Variants in SLC24A2 observed in about 807,000 individuals in gnomAD.
SLC24A2 encodes the protein sodium/potassium/calcium exchanger 2.
SLC24A2 carries 36 observed loss-of-function variants against 62.0 expected under a neutral mutation model. That is an observed-to-expected ratio of 0.58 (90% CI 0.44 to 0.77). The LOEUF (loss-of-function observed/expected upper bound fraction) is 0.77. Among genes scored for constraint, SLC24A2 ranks in the 30% least tolerant of loss-of-function variants. The pLI, the probability that SLC24A2 is intolerant of heterozygous loss-of-function variation, is 0.00. For missense variants in SLC24A2, 846 were observed against 817.9 expected, an observed-to-expected ratio of 1.03 and a Z score of -0.42; for synonymous variants, 358 against 294.0, an observed-to-expected ratio of 1.22 and a Z score of -2.23.
chr9:19,563,827 TCCCTCCCTCCCTCCCTCCC>T (rs1563968833), intron 7 of SLC24A2, among the ~76,000 whole-genome samples: 8 of 75,084 alleles, frequency 1.1e-4, no homozygotes, highest in African/African-American at 1.6e-4. Context: ...CCTTCCTTCC[TCCCTCCCTCCCTCCCTCCC>T]TCCCTCCCTC....
the SLC24A2 span, among the ~76,000 whole-genome samples, chr9:20,287,719 C>T: frequency 4.7e-4 from 72 of 152,316 alleles, no homozygotes; most frequent in Middle Eastern, 3.4e-3. Context: ...TGAATGCATA[C>T]TTAACACATT....
At chr9:20,181,464 G>C in the SLC24A2 span, among the ~76,000 whole-genome samples, 899 of 152,140 alleles carry the variant, frequency 5.9e-3, 4 homozygotes, top group South Asian at 0.054. Context: ...CAGAACAGAG[G>C]CCTCATAAAT....
At chr9:19,930,785 G>C in the SLC24A2 span, among the ~76,000 whole-genome samples, 1 of 152,134 alleles carries the variant, frequency 6.6e-6, no homozygotes, top group African/African-American at 2.4e-5. Flanking sequence ...TAGGAAACAG[G>C]GTGCCAGAGA....
At chr9:19,667,537 A>C (rs1449490295) in intron 2 of SLC24A2, among the ~76,000 whole-genome samples, 1 of 152,072 alleles carries the variant, frequency 6.6e-6, no homozygotes, top group Non-Finnish European at 1.5e-5. Flanking sequence ...TTGAACTTCC[A>C]TCATAGCCCC....
chr9:19,954,576 T>C, the SLC24A2 span, among the ~76,000 whole-genome samples: 4 of 151,908 alleles, frequency 2.6e-5, no homozygotes, highest in African/African-American at 7.3e-5. Context: ...CAATAAAACA[T>C]CTTCCGCCAG....
intron 2 of SLC24A2, among the ~76,000 whole-genome samples, chr9:19,666,405 TA>T (rs1280557708): frequency 6.6e-6 from 1 of 152,126 alleles, no homozygotes; most frequent in African/African-American, 2.4e-5. Context: ...GACACTGTTT[TA>T]AAAAAATCAT....
At chr9:20,133,953 A>C in the SLC24A2 span, among the ~76,000 whole-genome samples, 1 of 152,182 alleles carries the variant, frequency 6.6e-6, no homozygotes, top group Non-Finnish European at 1.5e-5. Flanking sequence ...GACAGAGGGG[A>C]AACTTCCAAA....
At chr9:20,079,874 A>C in the SLC24A2 span, among the ~76,000 whole-genome samples, 1 of 152,126 alleles carries the variant, frequency 6.6e-6, no homozygotes, top group African/African-American at 2.4e-5. Flanking sequence ...TGTCATCTGC[A>C]AACAGGGACA....
At position 19,602,331 on chromosome 9, in the gene SLC24A2, A is replaced by C. The variant is rs1836864688; in HGVS notation, c.1079-5052T>G. On this transcript the variant is annotated intron_variant, in intron 4 of 10. Coordinates refer to ENST00000341998, the MANE Select transcript of SLC24A2 (RefSeq NM_020344.4). ...AAATCTAGTAAGTGATGAGTTGTCC[A>C]GACTAAGATAATATGTCACAAGTGA... 2.6e-5 allele frequency among the ~76,000 whole-genome samples: 4 copies of C among 152,348 alleles called. No homozygotes were observed. In the South Asian group the frequency reaches 8.3e-4, roughly 32 times the overall value.
At position 19,521,163 on chromosome 9, in the gene SLC24A2, G is replaced by C. The variant is rs1053602253; in HGVS notation, c.1570-103C>G. ...CCTCCTTTTAATGCATTTCTATACT[G>C]TGCTATGCAAAGTGCTGAGATGATA... On this transcript the variant is annotated intron_variant, in intron 9 of 10. Transcript: ENST00000341998. 13 of 1,008,930 alleles carry C rather than the reference G, an allele frequency of 1.3e-5. No individual in the cohort carries two copies. In the Admixed American group the frequency reaches 2.6e-4, roughly 20 times the overall value. 62.5% of individuals were successfully genotyped at this position (1,008,930 alleles called of 1,614,324 possible).
chr9:19,944,078 A>T, the SLC24A2 span, among the ~76,000 whole-genome samples: 9 of 152,166 alleles, frequency 5.9e-5, no homozygotes, highest in African/African-American at 2.2e-4. Flanking sequence ...CATGGACATA[A>T]AGATGGCAAC....
Position 19,708,311 on chromosome 9 carries a change from G to A in SLC24A2, c.930+77626C>T, listed in dbSNP as rs1015990472. On this transcript the variant is annotated intron_variant, in intron 2 of 10. Coordinates refer to ENST00000341998, the MANE Select transcript of SLC24A2 (RefSeq NM_020344.4). ...CTCATGGGTAGGAAGAATCAATATC[G>A]TGAAAATGGCCATACTGCCCAAGGT... Among the ~76,000 whole-genome samples, 52 of 151,986 alleles carry A rather than the reference G, an allele frequency of 3.4e-4. 1 individual carries two copies. Among genetic ancestry groups the A allele is most frequent in the African/African-American group, 1.1e-3 (46 of 41,368 alleles).
chr9:19,668,074 CT>C (rs1195672158), intron 2 of SLC24A2, among the ~76,000 whole-genome samples: 1 of 152,162 alleles, frequency 6.6e-6, no homozygotes, highest in African/African-American at 2.4e-5. Context: ...TGTGGAGGCT[CT>C]TTCTAAGTCA....
rs1294993519 is a variant in SLC24A2, at chr9:19,515,515, C to T, written c.*638G>A. On this transcript the variant is annotated 3_prime_UTR_variant, in exon 11 of 11. Coordinates refer to ENST00000341998, the MANE Select transcript of SLC24A2 (RefSeq NM_020344.4). ...TTACTAGGCAGGATCACAGCAAGTCCAAGGTAGGCTGAAGGTCACAGCAAT... is the reference window on the plus strand; with the variant it reads ...TTACTAGGCAGGATCACAGCAAGTCTAAGGTAGGCTGAAGGTCACAGCAAT... The T allele has an allele frequency of 6.6e-6, 1 of 152,194 alleles. No individual in the cohort carries two copies. Among genetic ancestry groups the T allele is most frequent in the Non-Finnish European group, 1.5e-5 (1 of 68,148 alleles). 9.4% of individuals were successfully genotyped at this position (152,194 alleles called of 1,614,324 possible). A position where few individuals can be genotyped will look rare whatever the true frequency, so the allele number is the denominator to read the frequency against.
rs757615810 is a variant in SLC24A2 at position 19,508,762 on chromosome 9, C to G, written c.*7391G>C. On this transcript the variant is annotated 3_prime_UTR_variant, in exon 11 of 11. Coordinates refer to ENST00000341998, the MANE Select transcript of SLC24A2 (RefSeq NM_020344.4). Reference sequence around the variant, plus strand: ...TGAGCTATGATTGCACCACTGCACTCTAGCCTGGGTGACAGAGCAAGACCC... The same window carrying G: ...TGAGCTATGATTGCACCACTGCACTGTAGCCTGGGTGACAGAGCAAGACCC... 2 of 151,458 alleles carry G rather than the reference C, an allele frequency of 1.3e-5. No individual in the cohort carries two copies. The highest frequency in any genetic ancestry group is 2.4e-5 in the African/African-American group (1 of 41,102). The allele number at this position is 151,458 out of a possible 1,614,324, so 9.4% of individuals were successfully genotyped here.
the SLC24A2 span, among the ~76,000 whole-genome samples, chr9:19,873,536 C>CTTTCTTTATTTCTT: frequency 2.2e-5 from 3 of 137,040 alleles, no homozygotes; most frequent in Non-Finnish European, 4.6e-5. Context: ...TCCTTTCTTT[C>CTTTCTTTATTTCTT]TCTTTCTTTC....
At chr9:20,265,741 CCGCCGG>C in the SLC24A2 span, among the ~76,000 whole-genome samples, 5,791 of 152,328 alleles carry the variant, frequency 0.038, 158 homozygotes, top group African/African-American at 0.063. Context: ...TAAACTCTGG[CCGCCGG>C]TGAGCCAGGT....
the SLC24A2 span, among the ~76,000 whole-genome samples, chr9:20,162,810 G>A: frequency 6.6e-6 from 1 of 152,116 alleles, no homozygotes; most frequent in Non-Finnish European, 1.5e-5. Flanking sequence ...TCCCTGGGAT[G>A]CAAGACTGGT....
the SLC24A2 span, among the ~76,000 whole-genome samples, chr9:19,913,684 T>A: frequency 1.0e-3 from 155 of 152,246 alleles, 1 homozygote; most frequent in East Asian, 1.2e-3. Flanking sequence ...CCATCCTTTA[T>A]CAAATACAAT....
Sources: gnomAD v4.1 joint callset for allele counts (sites outside exome capture counted in the v4.1 genomes callset) on GRCh38, gnomAD v4.1.1 for gene constraint, MANE v1.5 for transcripts, NCBI Gene and HGNC (gene_info 2026-07-23, HGNC 2026-07-21) for gene names.